HS3ST4: variants seen among roughly 807,000 people sequenced by gnomAD.
HS3ST4 encodes heparan sulfate glucosamine 3-O-sulfotransferase 4.
HS3ST4 carries 17 observed loss-of-function variants against 29.2 expected under a neutral mutation model. The observed-to-expected ratio is 0.58, with a 90% CI of 0.40 to 0.87. The LOEUF (loss-of-function observed/expected upper bound fraction) is 0.87. Among genes scored for constraint, HS3ST4 ranks in the 40% least tolerant of loss-of-function variants. The probability of loss-of-function intolerance (pLI) is 0.00; values close to 1 mark genes in which losing one functional copy is unlikely to be tolerated. For synonymous variants in HS3ST4, 314 were observed against 285.7 expected, an observed-to-expected ratio of 1.10 and a Z score of -1.00; for missense variants, 627 against 634.5, an observed-to-expected ratio of 0.99 and a Z score of 0.13.
intron 1 of HS3ST4, among the ~76,000 whole-genome samples, chr16:26,073,373 TTTTC>T (rs374933792): frequency 0.29 from 44,383 of 152,042 alleles, 6,851 homozygotes; most frequent in Middle Eastern, 0.36. Context: ...TTTTCTTTTC[TTTTC>T]TTTTCTTTTT....
chr16:25,920,657 C>T (rs534478903), intron 1 of HS3ST4, among the ~76,000 whole-genome samples: 289 of 144,342 alleles, frequency 2.0e-3, no homozygotes, highest in African/African-American at 7.2e-3. Flanking sequence ...GGCTGGAGTA[C>T]AGTGGTGCGG....
chr16:25,869,596 C>T (rs902109272), intron 1 of HS3ST4, among the ~76,000 whole-genome samples: 1 of 152,036 alleles, frequency 6.6e-6, no homozygotes, highest in Admixed American at 6.6e-5. Flanking sequence ...GGACAGACAT[C>T]AAATGTCTGC....
intron 1 of HS3ST4, among the ~76,000 whole-genome samples, chr16:25,962,040 T>C (rs1968800352): frequency 6.6e-6 from 1 of 152,208 alleles, no homozygotes; most frequent in Admixed American, 6.5e-5. Flanking sequence ...ACTAATTCTC[T>C]TTTTAGCCAG....
intron 1 of HS3ST4, among the ~76,000 whole-genome samples, chr16:26,006,167 T>C (rs1297728995): frequency 3.3e-5 from 5 of 151,856 alleles, no homozygotes; most frequent in Middle Eastern, 3.4e-3. Flanking sequence ...GGTGTGGTGG[T>C]GCACACCTGT....
At chr16:25,867,837 T>C (rs1967711804) in intron 1 of HS3ST4, among the ~76,000 whole-genome samples, 1 of 152,108 alleles carries the variant, frequency 6.6e-6, no homozygotes, top group South Asian at 2.1e-4. Flanking sequence ...GGATCTCATG[T>C]AGGTTAGTCT....
chr16:26,066,120 T>C (rs1322864915), intron 1 of HS3ST4, among the ~76,000 whole-genome samples: 2 of 152,192 alleles, frequency 1.3e-5, no homozygotes, highest in Admixed American at 6.5e-5. Flanking sequence ...AATCCTAAAA[T>C]GCAAGGCACG....
chr16:26,046,486 A>G (rs1898269196), intron 1 of HS3ST4, among the ~76,000 whole-genome samples: 1 of 151,978 alleles, frequency 6.6e-6, no homozygotes, highest in Admixed American at 6.6e-5. Flanking sequence ...CTGTTTGTCC[A>G]TGTTAGTGTC....
chr16:25,951,847 C>T (rs890294322), intron 1 of HS3ST4, among the ~76,000 whole-genome samples: 1 of 152,082 alleles, frequency 6.6e-6, no homozygotes, highest in Non-Finnish European at 1.5e-5. Context: ...TAGTCTGCCA[C>T]CTGACTTTGT....
intron 1 of HS3ST4, among the ~76,000 whole-genome samples, chr16:25,871,431 GA>G (rs762946573): frequency 1.1e-3 from 164 of 152,240 alleles, no homozygotes; most frequent in Non-Finnish European, 1.4e-3. Context: ...CATTGGTGTG[GA>G]AAAATTACAG....
intron 1 of HS3ST4, among the ~76,000 whole-genome samples, chr16:25,865,467 A>C (rs1967684521): frequency 6.6e-6 from 1 of 151,766 alleles, no homozygotes. Flanking sequence ...TTCTTTTAAG[A>C]AATGTCTCTT....
chr16:25,748,892 G>A (rs1224595189), intron 1 of HS3ST4, among the ~76,000 whole-genome samples: 1 of 152,164 alleles, frequency 6.6e-6, no homozygotes, highest in Non-Finnish European at 1.5e-5. Flanking sequence ...CTTAGATTCA[G>A]TACAGCATGA....
At chr16:25,927,221 T>G (rs1968413750) in intron 1 of HS3ST4, among the ~76,000 whole-genome samples, 1 of 152,198 alleles carries the variant, frequency 6.6e-6, no homozygotes. Context: ...TTAGCATTTA[T>G]AAAGCATTTG....
intron 1 of HS3ST4, among the ~76,000 whole-genome samples, chr16:25,899,278 C>G (rs1968099186): frequency 6.6e-6 from 1 of 152,240 alleles, no homozygotes; most frequent in Non-Finnish European, 1.5e-5. Flanking sequence ...ATGTTCCCCC[C>G]ATATCAGTTG....
At chr16:26,070,445 G>C (rs948599674) in intron 1 of HS3ST4, among the ~76,000 whole-genome samples, 1 of 152,154 alleles carries the variant, frequency 6.6e-6, no homozygotes, top group African/African-American at 2.4e-5. Flanking sequence ...TGGGAGCATA[G>C]CCCAGATAAT....
At chr16:25,732,819 A>G (rs920719713) in intron 1 of HS3ST4, among the ~76,000 whole-genome samples, 6 of 152,164 alleles carry the variant, frequency 3.9e-5, no homozygotes, top group African/African-American at 1.4e-4. Flanking sequence ...TAGCTGTGGG[A>G]CTTCGGACAT....
intron 1 of HS3ST4, among the ~76,000 whole-genome samples, chr16:25,730,141 G>A (rs778419900): frequency 6.6e-6 from 1 of 152,128 alleles, no homozygotes; most frequent in Non-Finnish European, 1.5e-5. Context: ...TCTCAATGGC[G>A]GCATGGTGGT....
intron 1 of HS3ST4, among the ~76,000 whole-genome samples, chr16:26,069,334 A>G (rs374072612): frequency 1.1e-4 from 16 of 152,190 alleles, no homozygotes; most frequent in African/African-American, 3.4e-4. Flanking sequence ...TGGGCTGGCT[A>G]TGTGCCTTGC....
chr16:25,805,238 G>T (rs181304247), intron 1 of HS3ST4, among the ~76,000 whole-genome samples: 26 of 152,300 alleles, frequency 1.7e-4, no homozygotes, highest in African/African-American at 6.3e-4. Context: ...AGGACAAAGG[G>T]AAGCTTTTAT....
chr16:25,890,475 T>C (rs1216452286), intron 1 of HS3ST4, among the ~76,000 whole-genome samples: 1 of 152,214 alleles, frequency 6.6e-6, no homozygotes, highest in African/African-American at 2.4e-5. Flanking sequence ...CATTAGCTCA[T>C]GGAGAAGGAC....
Sources: allele counts gnomAD v4.1 joint callset (sites outside exome capture counted in the v4.1 genomes callset), GRCh38; gene constraint gnomAD v4.1.1; transcripts MANE v1.5; gene names NCBI Gene and HGNC (gene_info 2026-07-23, HGNC 2026-07-21).